The following PTPRD variants were observed in gnomAD, a reference collection of about 807,000 sequenced individuals.
PTPRD encodes receptor-type tyrosine-protein phosphatase delta.
Under a neutral mutation model 214.5 loss-of-function variants are expected in PTPRD, and 34 were observed. That is an observed-to-expected ratio of 0.16 (90% CI 0.12 to 0.21). The LOEUF is 0.21. PTPRD is among the 10% of genes least tolerant of loss of function. The pLI is 1.00. For missense variants in PTPRD, 2,545 were observed against 2,398.7 expected, an observed-to-expected ratio of 1.06 and a Z score of -1.27; for synonymous variants, 1,128 against 845.7, an observed-to-expected ratio of 1.33 and a Z score of -5.79.
chr9:9,375,430 T>C (rs960653395), intron 9 of PTPRD, among the ~76,000 whole-genome samples: 8 of 152,030 alleles, frequency 5.3e-5, no homozygotes, highest in Non-Finnish European at 1.2e-4. Flanking sequence ...ACCCCATCTC[T>C]ACTAAAAATA....
chr9:8,907,629 G>A (rs2098718279), intron 11 of PTPRD, among the ~76,000 whole-genome samples: 2 of 150,304 alleles, frequency 1.3e-5, no homozygotes, highest in South Asian at 4.2e-4. Flanking sequence ...CAACTAGATG[G>A]AAATTTTTGT....
At chr9:10,129,085 T>C (rs953083622) in intron 3 of PTPRD, among the ~76,000 whole-genome samples, 1 of 152,124 alleles carries the variant, frequency 6.6e-6, no homozygotes, top group African/African-American at 2.4e-5. Flanking sequence ...ATGTAACAAA[T>C]AATGTATTTC....
intron 5 of PTPRD, among the ~76,000 whole-genome samples, chr9:9,806,312 T>C (rs1766454636): frequency 1.3e-5 from 2 of 152,032 alleles, no homozygotes; most frequent in African/African-American, 4.8e-5. Context: ...AGAAAACACG[T>C]GAAGCTGGTG....
At chr9:9,046,569 AT>A (rs1319388053) in intron 10 of PTPRD, among the ~76,000 whole-genome samples, 2 of 152,132 alleles carry the variant, frequency 1.3e-5, no homozygotes, top group African/African-American at 4.8e-5. Context: ...TTTATTGATA[AT>A]TTTTAGGGAG....
chr9:10,127,639 C>T (rs2098829661), intron 3 of PTPRD, among the ~76,000 whole-genome samples: 1 of 152,092 alleles, frequency 6.6e-6, no homozygotes, highest in South Asian at 2.1e-4. Flanking sequence ...TCTTATCCTT[C>T]TACCATCCTG....
chr9:10,455,487 T>A (rs1294817925), intron 2 of PTPRD, among the ~76,000 whole-genome samples: 5 of 151,638 alleles, frequency 3.3e-5, no homozygotes, highest in African/African-American at 1.2e-4. Context: ...TTTTTTTACA[T>A]CTCCACTCTG....
chr9:10,353,696 G>A (rs943758164), intron 2 of PTPRD, among the ~76,000 whole-genome samples: 1 of 151,762 alleles, frequency 6.6e-6, no homozygotes, highest in African/African-American at 2.4e-5. Flanking sequence ...ATGAGAGCAA[G>A]CTCTTTAAAA....
At chr9:10,460,122 GA>G (rs1254550035) in intron 2 of PTPRD, among the ~76,000 whole-genome samples, 2 of 151,614 alleles carry the variant, frequency 1.3e-5, no homozygotes, top group African/African-American at 4.8e-5. Flanking sequence ...AATAAATCAA[GA>G]AAACAATCCC....
chr9:10,291,120 G>T (rs2095514917), intron 3 of PTPRD, among the ~76,000 whole-genome samples: 1 of 151,198 alleles, frequency 6.6e-6, no homozygotes, highest in South Asian at 2.1e-4. Flanking sequence ...AACTTCCTAA[G>T]GGGCTTCTGA....
Position 9,645,021 on chromosome 9 carries a change from T to C in PTPRD, c.-286-70240A>G, listed in dbSNP as rs2096104535. ...AAAAGGCTGTCACCTTGACTCTCCATTGAGATGGTTAACACTTAGCCATCT... is the reference window on the plus strand; with the variant it reads ...AAAAGGCTGTCACCTTGACTCTCCACTGAGATGGTTAACACTTAGCCATCT... On this transcript the variant is annotated intron_variant, in intron 7 of 45. Transcript: ENST00000381196. Among the ~76,000 whole-genome samples, 3 of 152,222 alleles carry C rather than the reference T, an allele frequency of 2.0e-5. No homozygotes were observed. The South Asian group carries it at 6.2e-4, about 32-fold the overall frequency.
At chr9:8,323,991 A>C (rs1831000683) in intron 44 of PTPRD, among the ~76,000 whole-genome samples, 1 of 152,002 alleles carries the variant, frequency 6.6e-6, no homozygotes, top group Admixed American at 6.6e-5. Flanking sequence ...CAGCCACCTC[A>C]CCCTTCAGAA....
intron 11 of PTPRD, among the ~76,000 whole-genome samples, chr9:8,901,164 A>G (rs942630657): frequency 3.9e-5 from 6 of 152,188 alleles, no homozygotes; most frequent in African/African-American, 7.2e-5. Context: ...TCATGGGTTC[A>G]TTGGAGCTCA....
At chr9:9,307,222 T>C (rs1376258869) in intron 9 of PTPRD, among the ~76,000 whole-genome samples, 1 of 152,180 alleles carries the variant, frequency 6.6e-6, no homozygotes, top group Non-Finnish European at 1.5e-5. Flanking sequence ...GAAAAACGGC[T>C]TCATTTATCA....
chr9:9,169,233 T>C (rs1048041910), intron 10 of PTPRD, among the ~76,000 whole-genome samples: 3 of 152,032 alleles, frequency 2.0e-5, no homozygotes, highest in Non-Finnish European at 2.9e-5. Context: ...CTTTATATAA[T>C]TCAAAAACCA....
intron 8 of PTPRD, among the ~76,000 whole-genome samples, chr9:9,434,273 G>A (rs1442990082): frequency 6.6e-6 from 1 of 152,102 alleles, no homozygotes; most frequent in African/African-American, 2.4e-5. Flanking sequence ...AGGGTTCTCT[G>A]TATTTAAAAT....
chr9:9,227,376 C>T (rs970875168), intron 9 of PTPRD, among the ~76,000 whole-genome samples: 4 of 152,068 alleles, frequency 2.6e-5, no homozygotes, highest in South Asian at 4.1e-4. Flanking sequence ...AACCTCAGCC[C>T]CTAGCCTGGA....
chr9:8,636,850 A>G lies in PTPRD; in HGVS notation c.65-6T>C. 1 of 1,611,218 alleles carries G rather than the reference A, an allele frequency of 6.2e-7. No homozygotes were observed. The stretch of plus-strand genomic sequence containing the variant: ...TCGTGTAAACCTTGGAGGTGCTGAA[A>G]TAAAAAATAAACATCACAGTTAAAT... On this transcript the variant is annotated splice_region_variant and splice_polypyrimidine_tract_variant and intron_variant, in intron 12 of 45. Coordinates refer to ENST00000381196, the MANE Select transcript of PTPRD (RefSeq NM_002839.4).
chr9:10,178,687 A>C (rs2099263785), intron 3 of PTPRD, among the ~76,000 whole-genome samples: 1 of 151,982 alleles, frequency 6.6e-6, no homozygotes, highest in Admixed American at 6.6e-5. Context: ...AGGATTTCTC[A>C]GAATTGGTAC....
At chr9:8,455,051 C>T (rs2096131630) in intron 33 of PTPRD, among the ~76,000 whole-genome samples, 1 of 152,172 alleles carries the variant, frequency 6.6e-6, no homozygotes, top group Admixed American at 6.5e-5. Context: ...AGAGGTATGT[C>T]ATTCCTTTCA....
Sources: gnomAD v4.1 joint callset for allele counts (sites outside exome capture counted in the v4.1 genomes callset) on GRCh38, gnomAD v4.1.1 for gene constraint, MANE v1.5 for transcripts, NCBI Gene and HGNC (gene_info 2026-07-23, HGNC 2026-07-21) for gene names.